Variants in B4GALNT2 observed in about 807,000 individuals in gnomAD.
The protein encoded by B4GALNT2 is beta-1,4-N-acetyl-galactosaminyltransferase 2 (SID blood group), also known as N-acetylneuraminylgalactosylglucosyl-glucoside beta-1,4-N- acetylgalactosaminyltransferase 2.
Under a neutral mutation model 51.1 loss-of-function variants are expected in B4GALNT2, and 42 were observed. The observed-to-expected ratio is 0.82, with a 90% CI of 0.64 to 1.06. The LOEUF is 1.06. Among genes scored for constraint, B4GALNT2 ranks in the 50% least tolerant of loss-of-function variants. The probability of loss-of-function intolerance (pLI) is 0.00; values close to 1 mark genes in which losing one functional copy is unlikely to be tolerated. For missense variants in B4GALNT2, 602 were observed against 633.6 expected, an observed-to-expected ratio of 0.95 and a Z score of 0.54; for synonymous variants, 253 against 251.7, an observed-to-expected ratio of 1.01 and a Z score of -0.05.
intron 3 of B4GALNT2, among the ~76,000 whole-genome samples, chr17:49,142,553 A>C (rs11079864): frequency 1.3e-5 from 2 of 151,804 alleles, no homozygotes; most frequent in African/African-American, 2.4e-5. Context: ...TTAGCCAGGC[A>C]TGATGGTACA....
At chr17:49,160,490 G>A (rs2042853118) in intron 6 of B4GALNT2, 65 bp from the exon 7 acceptor site, 7 of 1,484,288 alleles carry the variant, frequency 4.7e-6, no homozygotes, top group South Asian at 3.4e-5. Context: ...GTGGCTTCCC[G>A]GGGTGGCATG....
intron 6 of B4GALNT2, among the ~76,000 whole-genome samples, chr17:49,160,254 A>G (rs1265061412): frequency 6.6e-6 from 1 of 152,206 alleles, no homozygotes; most frequent in African/African-American, 2.4e-5. Context: ...CAGATAAAAA[A>G]ATCAGATAGT....
chr17:49,155,886 C>T (rs1461592227), intron 4 of B4GALNT2, among the ~76,000 whole-genome samples: 2 of 151,660 alleles, frequency 1.3e-5, no homozygotes, highest in African/African-American at 2.4e-5. Context: ...CCATGCCCGG[C>T]CAATTTTTTT....
chr17:49,169,745 G>A lies in B4GALNT2; in HGVS notation c.*17G>A, dbSNP rs1362081357. On this transcript the variant is annotated 3_prime_UTR_variant, in exon 11 of 11. Transcript: ENST00000393354. ...GCCGCATAAAGGTGTGAGGGCATAGGAGAAACACTAGGCTGGCTGGTTATG... is the reference window on the plus strand; with the variant it reads ...GCCGCATAAAGGTGTGAGGGCATAGAAGAAACACTAGGCTGGCTGGTTATG... 2.6e-6 allele frequency: 4 copies of A among 1,536,238 alleles called. No individual in the cohort carries two copies. The African/African-American group carries it at 5.5e-5, about 21-fold the overall frequency.
At chr17:49,126,658 T>C in the B4GALNT2 span, among the ~76,000 whole-genome samples, 1 of 147,222 alleles carries the variant, frequency 6.8e-6, no homozygotes, top group Non-Finnish European at 1.5e-5. Context: ...TTCTTTTTTT[T>C]TTTTTTTTTT....
At chr17:49,129,199 A>C (rs2042525283), upstream of B4GALNT2, among the ~76,000 whole-genome samples, 1 of 151,760 alleles carries the variant, frequency 6.6e-6, no homozygotes, top group Non-Finnish European at 1.5e-5. Context: ...ACAGAGAGAG[A>C]GAGAGAGAGA....
Position 49,159,272 on chromosome 17 carries a change from G to A in B4GALNT2, c.679+55G>A, listed in dbSNP as rs915148877. 2.6e-6 allele frequency: 4 copies of A among 1,547,646 alleles called. No homozygotes were observed. In the African/African-American group the frequency reaches 5.5e-5, roughly 21 times the overall value. ...CTTAGGGATCCAGAAGATACCTCTG[G>A]GCCCTTTCAAAGTCTTCCTCCTTCA... On this transcript the variant is annotated intron_variant, in intron 6 of 10. Transcript: ENST00000393354.
At chr17:49,149,010 C>G (rs1267418291) in intron 3 of B4GALNT2, 3 of 152,666 alleles carry the variant, frequency 2.0e-5, no homozygotes, top group African/African-American at 7.4e-5. Context: ...AAGCCGAGAT[C>G]GTGCCACTGA....
upstream of B4GALNT2, among the ~76,000 whole-genome samples, chr17:49,127,460 T>C (rs573941982): frequency 7.8e-3 from 1,187 of 152,346 alleles, 9 homozygotes; most frequent in Middle Eastern, 0.031. Context: ...ACCAGTAAGT[T>C]TTAAAGATTA....
In B4GALNT2 at chr17:49,166,177, G is replaced by A; in HGVS notation, c.1018G>A (p.Asp340Asn). The change falls in exon 9 of 11, where the codon GAC (aspartate) becomes AAC (asparagine). Residue 340 changes from aspartate (D) to asparagine (N), a missense_variant. Coordinates refer to ENST00000393354, the MANE Select transcript of B4GALNT2 (RefSeq NM_001159387.2). ...QVTTKYVLWV[D>N]DDFLFNEETK... The stretch of plus-strand genomic sequence containing the variant: ...CACCACCAAATACGTTCTCTGGGTG[G>A]ACGATGATTTTCTCTTCAACGAGGA... 1 of 1,614,152 alleles carries A rather than the reference G, an allele frequency of 6.2e-7. No individual in the cohort carries two copies. The highest frequency in any genetic ancestry group is 8.5e-7 in the Non-Finnish European group (1 of 1,180,012).
chr17:49,140,674 A>T (rs1453905282), intron 1 of B4GALNT2, among the ~76,000 whole-genome samples: 1 of 148,100 alleles, frequency 6.8e-6, no homozygotes, highest in Non-Finnish European at 1.5e-5. Context: ...CCTATTTAAT[A>T]CTCTTTTTTA....
the B4GALNT2 span, among the ~76,000 whole-genome samples, chr17:49,123,212 T>A: frequency 6.6e-6 from 1 of 152,154 alleles, no homozygotes; most frequent in Non-Finnish European, 1.5e-5. Flanking sequence ...TCACTAGACG[T>A]GGGGGCAAAG....
rs2042959390 is a variant in B4GALNT2, at chr17:49,171,825, T to G, written c.*2097T>G. The stretch of plus-strand genomic sequence containing the variant: ...TTCCCAAACAAGTACATTCATTATT[T>G]CTGGCCAGGTCTAATTCTATTTACA... On this transcript the variant is annotated 3_prime_UTR_variant, in exon 11 of 11. Transcript: ENST00000393354. The G allele has an allele frequency of 5.1e-5, 20 of 388,532 alleles. No individual in the cohort carries two copies. Among genetic ancestry groups the G allele is most frequent in the South Asian group, 3.6e-4 (18 of 50,544 alleles). The allele number at this position is 388,532 out of a possible 1,614,324, so 24.1% of individuals were successfully genotyped here.
intron 3 of B4GALNT2, among the ~76,000 whole-genome samples, chr17:49,152,185 TG>T (rs2042764113): frequency 2.0e-5 from 3 of 152,242 alleles, no homozygotes; most frequent in African/African-American, 7.2e-5. Context: ...GAGACCAGCC[TG>T]GGCAACATAG....
chr17:49,156,979 C>A (rs2042816627), intron 5 of B4GALNT2, among the ~76,000 whole-genome samples: 1 of 152,222 alleles, frequency 6.6e-6, no homozygotes, highest in Non-Finnish European at 1.5e-5. Context: ...ACATCAAGAT[C>A]TTATGGTGCT....
At chr17:49,130,740 G>A (rs2042533313), upstream of B4GALNT2, among the ~76,000 whole-genome samples, 1 of 152,154 alleles carries the variant, frequency 6.6e-6, no homozygotes, top group Non-Finnish European at 1.5e-5. Flanking sequence ...TCTGCCTGTA[G>A]CCCCTATGTA....
chr17:49,147,566 G>T (rs754338249), intron 3 of B4GALNT2, among the ~76,000 whole-genome samples: 130 of 151,348 alleles, frequency 8.6e-4, no homozygotes, highest in Non-Finnish European at 1.6e-3. Flanking sequence ...TGTAGATATG[G>T]GGTTTTGCCA....
intron 6 of B4GALNT2, 34 bp downstream of exon 6, chr17:49,159,251 G>A (rs762457674): frequency 5.6e-6 from 9 of 1,604,276 alleles, no homozygotes; most frequent in Middle Eastern, 1.8e-4. Context: ...AAAATGCTTA[G>A]GGATCCAGAA....
rs1246576098 is a variant in B4GALNT2 at position 49,132,800 on chromosome 17, C to A, written c.8C>A (p.Ser3Ter). 1.5e-6 allele frequency: 2 copies of A among 1,375,144 alleles called. No individual in the cohort carries two copies. The highest frequency in any genetic ancestry group is 1.9e-6 in the Non-Finnish European group (2 of 1,062,776). 85.2% of individuals were successfully genotyped at this position (1,375,144 alleles called of 1,614,324 possible). Residue 3 changes from serine to a stop codon, truncating the protein, a stop_gained, in exon 1 of 11, where the codon TCG becomes TAG. Coordinates refer to ENST00000393354, the MANE Select transcript of B4GALNT2 (RefSeq NM_001159387.2). LOFTEE classifies it high-confidence loss of function. MT[S>*]GGSRFLWLLK... Reference sequence around the variant, plus strand: ...AGGGCGGCGGGATTCGGGATGACTTCGGGCGGGTGAGTGTCCCCGGGGCAG... The same window carrying A: ...AGGGCGGCGGGATTCGGGATGACTTAGGGCGGGTGAGTGTCCCCGGGGCAG...
Sources: gnomAD v4.1 joint callset for allele counts (sites outside exome capture counted in the v4.1 genomes callset) on GRCh38, gnomAD v4.1.1 for gene constraint, MANE v1.5 for transcripts, NCBI Gene and HGNC (gene_info 2026-07-23, HGNC 2026-07-21) for gene names.